Variants in ARMC1 observed in about 807,000 individuals in gnomAD.
The protein encoded by ARMC1 is armadillo repeat containing 1, also known as armadillo repeat-containing protein 1.
A neutral mutation model predicts 31.4 loss-of-function variants in ARMC1; 16 were observed. The observed-to-expected ratio is 0.51, with a 90% CI of 0.34 to 0.77. ARMC1 has a LOEUF of 0.77. ARMC1 is among the 30% of genes least tolerant of loss of function. The probability of loss-of-function intolerance (pLI) is 0.01; values close to 1 mark genes in which losing one functional copy is unlikely to be tolerated. For synonymous variants in ARMC1, 114 were observed against 118.9 expected (o/e 0.96, Z 0.27); for missense variants, 259 against 347.5 (o/e 0.75, Z 2.02).
intron 3 of ARMC1, among the ~76,000 whole-genome samples, chr8:65,616,721 T>C (rs1209105175): frequency 4.1e-5 from 6 of 147,740 alleles, no homozygotes; most frequent in African/African-American, 1.3e-4. Flanking sequence ...TAGTCTGAGA[T>C]GTGGGGAGCG....
Position 65,604,425 on chromosome 8 carries a change from G to A in ARMC1, c.818C>T (p.Ala273Val). The change falls in exon 7 of 7, where the codon GCA (alanine) becomes GTA (valine). Residue 273 changes from alanine to valine, a missense_variant. Ala to Val is a moderately conservative substitution (Grantham distance 64). Around this residue, in one of 3 missense-constraint regions of ARMC1, gnomAD observed 73 missense variants for 100.0 expected, o/e 0.73. Coordinates refer to ENST00000276569, the MANE Select transcript of ARMC1 (RefSeq NM_018120.6). ...ATAAAATGATCTGGATAAAAAGTTT[G>A]CAGCTGTGCTAAGCCAGCTAGCTCC... Reference protein sequence around the residue: ...EGGASWLSTAANFLSRSFYW With the variant: ...EGGASWLSTAVNFLSRSFYW 6.2e-7 allele frequency: 1 copy of A among 1,614,112 alleles called. No homozygotes were observed. Among genetic ancestry groups the A allele is most frequent in the Non-Finnish European group, 8.5e-7 (1 of 1,180,018 alleles).
chr8:65,627,600 G>A (rs972163451), intron 1 of ARMC1, among the ~76,000 whole-genome samples, 167 bp from the exon 2 acceptor site: 10 of 152,078 alleles, frequency 6.6e-5, no homozygotes, highest in African/African-American at 1.7e-4. Flanking sequence ...TAAAATGAAC[G>A]TAAGACGACT....
At chr8:65,633,382 C>T (rs1462679621) in intron 1 of ARMC1, among the ~76,000 whole-genome samples, 1 of 152,230 alleles carries the variant, frequency 6.6e-6, no homozygotes, top group East Asian at 1.9e-4. Flanking sequence ...TCTCACATAA[C>T]AATCCTCAGC....
At chr8:65,615,057 T>C (rs1336786252) in intron 3 of ARMC1, among the ~76,000 whole-genome samples, 1 of 152,206 alleles carries the variant, frequency 6.6e-6, no homozygotes, top group Non-Finnish European at 1.5e-5. Context: ...TGAGTAGGAA[T>C]ACTTCAATTT....
chr8:65,606,307 G>T (rs181811171), intron 4 of ARMC1, among the ~76,000 whole-genome samples: 127 of 150,626 alleles, frequency 8.4e-4, no homozygotes, highest in African/African-American at 2.9e-3. Context: ...GTTGCAGTGA[G>T]CTGAGATTAT....
chr8:65,608,715 C>T lies in ARMC1; in HGVS notation c.466-3177G>A, dbSNP rs140982889. On this transcript the variant is annotated intron_variant, in intron 4 of 6. Transcript: ENST00000276569. ...TTGAGATCAGGAGTTCAAAACCAGACTGGCCAATATAGTGAAACCCCGTCT... is the reference window on the plus strand; with the variant it reads ...TTGAGATCAGGAGTTCAAAACCAGATTGGCCAATATAGTGAAACCCCGTCT... 1.1e-3 allele frequency among the ~76,000 whole-genome samples: 168 copies of T among 151,972 alleles called. 2 individuals are homozygous for T. The highest frequency in any genetic ancestry group is 9.7e-3 in the East Asian group (50 of 5,146).
intron 1 of ARMC1, among the ~76,000 whole-genome samples, chr8:65,629,506 A>G (rs764313774): frequency 3.9e-5 from 6 of 152,132 alleles, no homozygotes; most frequent in Non-Finnish European, 7.3e-5. Context: ...TATAGTTAAT[A>G]ATAGTGTATT....
At chr8:65,610,200 C>G (rs928985036) in intron 4 of ARMC1, among the ~76,000 whole-genome samples, 1 of 151,960 alleles carries the variant, frequency 6.6e-6, no homozygotes, top group Non-Finnish European at 1.5e-5. Context: ...CAGGTTCAAG[C>G]GATTCTCCTG....
At position 65,607,157 on chromosome 8, in the gene ARMC1, C is replaced by T. The variant is rs190257443; in HGVS notation, c.466-1619G>A. On this transcript the variant is annotated intron_variant, in intron 4 of 6. Coordinates refer to ENST00000276569, the MANE Select transcript of ARMC1 (RefSeq NM_018120.6). ...ACACTACTCAGGGAGACGTGGGACA[C>T]GTCAGTCTGTGGCACAGCACAGGCC... Among the ~76,000 whole-genome samples the T allele has an allele frequency of 9.8e-4, 149 of 152,364 alleles. 1 individual carries two copies. The highest frequency in any genetic ancestry group is 3.2e-3 in the African/African-American group (131 of 41,578).
chr8:65,624,050 G>A (rs1399380892), intron 2 of ARMC1, among the ~76,000 whole-genome samples: 1 of 149,402 alleles, frequency 6.7e-6, no homozygotes, highest in Non-Finnish European at 1.5e-5. Context: ...CACCTGCCTC[G>A]GCCTCCCAAA....
At chr8:65,625,664 A>G (rs2048650) in intron 2 of ARMC1, among the ~76,000 whole-genome samples, 96,562 of 151,900 alleles carry the variant, frequency 0.64, 30,924 homozygotes, top group African/African-American at 0.69. Flanking sequence ...CAGACTGGGG[A>G]CTGTGCCATT....
Position 65,629,837 on chromosome 8 carries a change from T to C in ARMC1, c.-35-2404A>G, listed in dbSNP as rs550521785. Reference sequence around the variant, plus strand: ...AAAAAAATCAAAACAAAACAGTATATTCTCGGTCTTAAAATGGCTATGAGT... The same window carrying C: ...AAAAAAATCAAAACAAAACAGTATACTCTCGGTCTTAAAATGGCTATGAGT... On this transcript the variant is annotated intron_variant, in intron 1 of 6. Transcript: ENST00000276569. Among the ~76,000 whole-genome samples, 55 of 148,396 alleles carry C rather than the reference T, an allele frequency of 3.7e-4. No individual in the cohort carries two copies. In the South Asian group the frequency reaches 4.1e-3, roughly 11 times the overall value.
rs1237723531 is a variant in ARMC1 at position 65,605,244 on chromosome 8, A to T, written c.657+19T>A. 16 of 1,594,036 alleles carry T rather than the reference A, an allele frequency of 1.0e-5. No homozygotes were observed. The highest frequency in any genetic ancestry group is 1.3e-5 in the Non-Finnish European group (15 of 1,172,870). On this transcript the variant is annotated intron_variant, in intron 6 of 6. Transcript: ENST00000276569. The stretch of plus-strand genomic sequence containing the variant: ...TTGAGAGTGAGTTGGATATAAAGAA[A>T]ATTAAACACAACTTTTACCTCTTCT...
rs892829725 is a variant in ARMC1, at chr8:65,618,484, T to C, written c.275+3779A>G. Among the ~76,000 whole-genome samples the C allele has an allele frequency of 2.9e-5, 4 of 140,136 alleles. No individual in the cohort carries two copies. The East Asian group carries it at 8.4e-4, about 30-fold the overall frequency. The allele number at this position is 140,136 out of a possible 152,430, so 91.9% of individuals were successfully genotyped here. A position where few individuals can be genotyped will look rare whatever the true frequency, so the allele number is the denominator to read the frequency against. ...TTGCAGTGAGCCAAGATTGGGCCAC[T>C]GCATTACAGCCTGGGTGACAGGGTG... On this transcript the variant is annotated intron_variant, in intron 3 of 6. Transcript: ENST00000276569.
chr8:65,632,346 AAAT>A (rs771257935), intron 1 of ARMC1, among the ~76,000 whole-genome samples: 3 of 151,920 alleles, frequency 2.0e-5, no homozygotes, highest in Middle Eastern at 3.4e-3. Flanking sequence ...GCTCATCTCA[AAAT>A]AATAATAATA....
chr8:65,609,866 A>AG (rs1214960910), intron 4 of ARMC1, among the ~76,000 whole-genome samples: 3 of 33,082 alleles, frequency 9.1e-5, no homozygotes, highest in Non-Finnish European at 1.6e-4. Flanking sequence ...TCAAAAAAAA[A>AG]AAAAAAAAAA....
intron 3 of ARMC1, among the ~76,000 whole-genome samples, chr8:65,620,800 A>AAAAAAAAAAAAAC (rs1310179024): frequency 2.8e-5 from 1 of 35,774 alleles, no homozygotes; most frequent in Non-Finnish European, 5.4e-5. Context: ...AGTTCCATTT[A>AAAAAAAAAAAAAC]AAAAAAAACA....
chr8:65,608,606 CAGTTA>C (rs1301383079), intron 4 of ARMC1, among the ~76,000 whole-genome samples: 1 of 152,094 alleles, frequency 6.6e-6, no homozygotes. Flanking sequence ...GTAGAGTAAA[CAGTTA>C]AGTTATTTGA....
At chr8:65,629,716 T>C (rs546331058) in intron 1 of ARMC1, among the ~76,000 whole-genome samples, 1 of 150,260 alleles carries the variant, frequency 6.7e-6, no homozygotes, top group South Asian at 2.1e-4. Flanking sequence ...GGAGAATCGC[T>C]TGAACTTGGG....
Sources: allele counts gnomAD v4.1 joint callset (sites outside exome capture counted in the v4.1 genomes callset), GRCh38; gene constraint gnomAD v4.1.1; regional missense constraint gnomAD v4.1.1; transcripts MANE v1.5; gene names NCBI Gene and HGNC (gene_info 2026-07-23, HGNC 2026-07-21).